Variants in WDR4 observed in about 807,000 individuals in gnomAD.
WDR4 encodes WDR4 tRNA N7-guanosine methyltransferase non-catalytic subunit.
A neutral mutation model predicts 48.6 loss-of-function variants in WDR4; 47 were observed. That is an observed-to-expected ratio of 0.97 (90% CI 0.77 to 1.23). The LOEUF (loss-of-function observed/expected upper bound fraction) is 1.23. Among genes scored for constraint, WDR4 ranks in the 50% most tolerant of loss-of-function variants. WDR4 has a pLI of 0.00. For synonymous variants in WDR4, 268 were observed against 230.0 expected, an observed-to-expected ratio of 1.17 and a Z score of -1.49; for missense variants, 606 against 551.6, an observed-to-expected ratio of 1.10 and a Z score of -0.99.
chr21:42,863,449 C>T lies in WDR4; in HGVS notation c.444G>A (p.Leu148=). 1 of 1,611,988 alleles carries T rather than the reference C, an allele frequency of 6.2e-7. No individual in the cohort carries two copies. The highest frequency in any genetic ancestry group is 8.5e-7 in the Non-Finnish European group (1 of 1,178,812). ...CACGTCCCCCACCTACCACATCTAA[C>T]AGCATAGACAGGTGCCCCAGCTCTA... ...GRLELGHLSM[L]LDVAVSPDDR... The change falls in exon 4 of 11, where the codon CTG becomes CTA. Residue 148 remains leucine (L), a synonymous_variant. Transcript: ENST00000398208.
chr21:42,866,595 G>A lies in WDR4; in HGVS notation c.297-2999C>T, dbSNP rs145418172. Among the ~76,000 whole-genome samples the A allele has an allele frequency of 2.8e-3, 422 of 152,182 alleles. 1 individual carries two copies. The highest frequency in any genetic ancestry group is 9.7e-3 in the African/African-American group (402 of 41,510). On this transcript the variant is annotated intron_variant, in intron 3 of 10. Coordinates refer to ENST00000398208, the MANE Select transcript of WDR4 (RefSeq NM_018669.6). Reference sequence around the variant, plus strand: ...TGTGGGGAGCAGCCCCCATGTTTGCGGACCAGCCACAGGGTGCTGCCTGCC... The same window carrying A: ...TGTGGGGAGCAGCCCCCATGTTTGCAGACCAGCCACAGGGTGCTGCCTGCC...
chr21:42,864,205 CTG>C (rs748599400), intron 3 of WDR4, among the ~76,000 whole-genome samples: 2 of 151,032 alleles, frequency 1.3e-5, no homozygotes, highest in Non-Finnish European at 2.9e-5. Flanking sequence ...CTCAACTTTC[CTG>C]TGTGTTTGAA....
At chr21:42,876,601 G>T in intron 2 of WDR4, 101 bp downstream of exon 2, 1 of 1,131,904 alleles carries the variant, frequency 8.8e-7, no homozygotes, top group Non-Finnish European at 1.3e-6. Context: ...TGTGACAGAA[G>T]CTAAGAATTC....
chr21:42,844,937 C>T (rs1013850542), downstream of WDR4, among the ~76,000 whole-genome samples: 1 of 152,236 alleles, frequency 6.6e-6, no homozygotes, highest in Non-Finnish European at 1.5e-5. Context: ...GCCCCTCCCT[C>T]CTGTGGAGTC....
Position 42,873,621 on chromosome 21 carries a change from A to T in WDR4, c.226T>A (p.Phe76Ile). ...CGCTTACTGTCATCGGTTAAAGCAA[A>T]ATAGCTGCCAGACTTGGAGAAGGTG... Reference protein sequence around the residue: ...ASTFSKSGSYFALTDDSKRLI... With the variant: ...ASTFSKSGSYIALTDDSKRLI... The change falls in exon 3 of 11, where the codon TTT (phenylalanine) becomes ATT (isoleucine). Residue 76 changes from phenylalanine (F) to isoleucine (I), a missense_variant. By Grantham distance (21) the Phe-to-Ile change is conservative. Coordinates refer to ENST00000398208, the MANE Select transcript of WDR4 (RefSeq NM_018669.6). 6.2e-7 allele frequency: 1 copy of T among 1,614,184 alleles called. No individual in the cohort carries two copies. The highest frequency in any genetic ancestry group is 8.5e-7 in the Non-Finnish European group (1 of 1,180,022).
chr21:42,852,049 T>C (rs1415721333), intron 10 of WDR4, among the ~76,000 whole-genome samples: 1 of 152,194 alleles, frequency 6.6e-6, no homozygotes, highest in Non-Finnish European at 1.5e-5. Context: ...TGGCTCTCGT[T>C]AGCCTGACTC....
At chr21:42,846,100 G>A (rs1190984680), downstream of WDR4, among the ~76,000 whole-genome samples, 1 of 152,062 alleles carries the variant, frequency 6.6e-6, no homozygotes, top group Non-Finnish European at 1.5e-5. Flanking sequence ...ACTCCAGCCT[G>A]GGTAACAGAG....
intron 2 of WDR4, among the ~76,000 whole-genome samples, chr21:42,874,548 A>C (rs2058446166): frequency 1.3e-5 from 2 of 152,238 alleles, no homozygotes; most frequent in African/African-American, 4.8e-5. Context: ...GGAGATATAT[A>C]GCTGAATTCT....
intron 2 of WDR4, among the ~76,000 whole-genome samples, chr21:42,875,916 CTTTTT>C (rs71194083): frequency 9.5e-6 from 1 of 104,900 alleles, no homozygotes; most frequent in African/African-American, 4.1e-5. Context: ...TAACACTGTG[CTTTTT>C]TTTTTTTTTT....
Position 42,854,569 on chromosome 21 carries a change from A to T in WDR4, c.784T>A (p.Cys262Ser), listed in dbSNP as rs765431906. The T allele has an allele frequency of 3.1e-6, 5 of 1,613,478 alleles. No individual in the cohort carries two copies. In the Admixed American group the frequency reaches 5.0e-5, roughly 16 times the overall value. Residue 262 changes from cysteine (C) to serine (S), a missense_variant, in exon 8 of 11, where the codon TGC becomes AGC. Physicochemically the swap from Cys to Ser is moderately radical, Grantham distance 112. Coordinates refer to ENST00000398208, the MANE Select transcript of WDR4 (RefSeq NM_018669.6). ...GGTGCCGCCGCAGCTTACCCGTCGC[A>T]CAGGAGCGCCACGCAGTTCTCCTGG... Reference protein sequence around the residue: ...WCQENCVALLCDGTPVVYIFQ... With the variant: ...WCQENCVALLSDGTPVVYIFQ...
At chr21:42,867,243 TAGTC>T (rs774541556) in intron 3 of WDR4, among the ~76,000 whole-genome samples, 12 of 151,888 alleles carry the variant, frequency 7.9e-5, no homozygotes, top group Non-Finnish European at 1.2e-4. Context: ...ATATAAAAAT[TAGTC>T]AGGCGTGGTG....
chr21:42,858,330 G>T (rs1293783789), intron 6 of WDR4, among the ~76,000 whole-genome samples: 1 of 152,160 alleles, frequency 6.6e-6, no homozygotes, highest in Non-Finnish European at 1.5e-5. Context: ...GGAGAGCCCA[G>T]CTGTCACCCC....
chr21:42,853,670 C>T lies in WDR4; in HGVS notation c.874G>A (p.Val292Met). Residue 292 changes from valine to methionine, a missense_variant, in exon 9 of 11, where the codon GTG becomes ATG. By Grantham distance (21) the Val-to-Met change is conservative (BLOSUM62 1). Transcript: ENST00000398208. ...YRQQLAFQHQ[V>M]WDVAFEETQG... Reference sequence around the variant, plus strand: ...GTCTCCTCGAAAGCCACGTCCCACACTTGGTGCTGGAACGCCAGCTGCTGC... The same window carrying T: ...GTCTCCTCGAAAGCCACGTCCCACATTTGGTGCTGGAACGCCAGCTGCTGC... 6.3e-7 allele frequency: 1 copy of T among 1,592,416 alleles called. No individual in the cohort carries two copies. Among genetic ancestry groups the T allele is most frequent in the Non-Finnish European group, 8.5e-7 (1 of 1,170,586 alleles).
At chr21:42,887,531 C>T in the WDR4 span, among the ~76,000 whole-genome samples, 1 of 152,106 alleles carries the variant, frequency 6.6e-6, no homozygotes, top group Non-Finnish European at 1.5e-5. Flanking sequence ...TAAGTAGATA[C>T]TTAGAGCACT....
In WDR4 at chr21:42,863,224, T is replaced by C. The variant is rs1888521; in HGVS notation, c.453+216A>G. Among the ~76,000 whole-genome samples the C allele has an allele frequency of 0.64, 97,835 of 152,156 alleles. 33,183 individuals carry two copies. The highest frequency in any genetic ancestry group is 0.86 in the African/African-American group (35,583 of 41,520). Reference sequence around the variant, plus strand: ...CTGTCCCTGCTACGGGGGAGCCCCATTCTCCCCACCAAACGCTGGGGCACA... The same window carrying C: ...CTGTCCCTGCTACGGGGGAGCCCCACTCTCCCCACCAAACGCTGGGGCACA... On this transcript the variant is annotated intron_variant, in intron 4 of 10. Coordinates refer to ENST00000398208, the MANE Select transcript of WDR4 (RefSeq NM_018669.6).
At chr21:42,868,194 G>A (rs990358402) in intron 3 of WDR4, among the ~76,000 whole-genome samples, 2 of 152,142 alleles carry the variant, frequency 1.3e-5, no homozygotes, top group Non-Finnish European at 2.9e-5. Flanking sequence ...AGAACCCCTG[G>A]AGGAGCCCTG....
chr21:42,872,829 G>A (rs1309563696), intron 3 of WDR4, among the ~76,000 whole-genome samples: 3 of 151,900 alleles, frequency 2.0e-5, no homozygotes, highest in East Asian at 3.9e-4. Flanking sequence ...CCCAGCTACT[G>A]GAGAAGCTGA....
chr21:42,847,591 A>T (rs895383523), downstream of WDR4, among the ~76,000 whole-genome samples: 1 of 152,240 alleles, frequency 6.6e-6, no homozygotes, highest in Non-Finnish European at 1.5e-5. Flanking sequence ...GTTCCGTCTC[A>T]GTCCCAGCCA....
In WDR4 at chr21:42,852,839, C is replaced by T. The variant is rs886734011; in HGVS notation, c.976-515G>A. On this transcript the variant is annotated intron_variant, in intron 9 of 10. Coordinates refer to ENST00000398208, the MANE Select transcript of WDR4 (RefSeq NM_018669.6). ...CTGAGGCAGGAGAATCACTTGAACC[C>T]GGGAGGCGGAGGTCGCGGTGAGCCG... 2.6e-5 allele frequency among the ~76,000 whole-genome samples: 4 copies of T among 150,948 alleles called. No individual in the cohort carries two copies. The East Asian group carries it at 5.8e-4, about 22-fold the overall frequency.
Sources: gnomAD v4.1 joint callset for allele counts (sites outside exome capture counted in the v4.1 genomes callset) on GRCh38, gnomAD v4.1.1 for gene constraint, MANE v1.5 for transcripts, NCBI Gene and HGNC (gene_info 2026-07-23, HGNC 2026-07-21) for gene names.